The following SNAP91 variants were observed in gnomAD, a reference collection of about 807,000 sequenced individuals.
The protein encoded by SNAP91 is clathrin coat assembly protein AP180.
In SNAP91, 27 loss-of-function variants were observed where a neutral mutation model predicts 100.3. The observed-to-expected ratio is 0.27, with a 90% CI of 0.20 to 0.37. SNAP91 has a LOEUF of 0.37. Ranked by LOEUF, SNAP91 falls within the 10% of genes least tolerant of loss-of-function variation. The pLI, the probability that SNAP91 is intolerant of heterozygous loss-of-function variation, is 1.00. For synonymous variants in SNAP91, 404 were observed against 398.6 expected, an observed-to-expected ratio of 1.01 and a Z score of -0.16; for missense variants, 986 against 1,123.7, an observed-to-expected ratio of 0.88 and a Z score of 1.75.
At chr6:83,576,002 A>C in intron 25 of SNAP91, 21 bp downstream of exon 25, 3 of 1,357,432 alleles carry the variant, frequency 2.2e-6, no homozygotes, top group Non-Finnish European at 3.0e-6. Context: ...AAAGGAAATC[A>C]CATAATTTCC....
chr6:83,628,280 C>A (rs2128454986), intron 8 of SNAP91, among the ~76,000 whole-genome samples: 1 of 139,334 alleles, frequency 7.2e-6, no homozygotes, highest in African/African-American at 2.7e-5. Flanking sequence ...GATAGGTAGG[C>A]ATTTTGGTTG....
intron 26 of SNAP91, among the ~76,000 whole-genome samples, chr6:83,564,735 CT>C (rs997424195): frequency 1.5e-4 from 23 of 151,642 alleles, no homozygotes; most frequent in Admixed American, 1.4e-3. Context: ...ATTTGGACCC[CT>C]ATCATATTAA....
At chr6:83,577,281 G>A (rs1440905761) in intron 24 of SNAP91, among the ~76,000 whole-genome samples, 1 of 151,798 alleles carries the variant, frequency 6.6e-6, no homozygotes, top group African/African-American at 2.4e-5. Flanking sequence ...CCAAATCTTG[G>A]CATTACAAAA....
At chr6:83,630,073 T>A (rs931463662) in intron 8 of SNAP91, among the ~76,000 whole-genome samples, 6 of 152,144 alleles carry the variant, frequency 3.9e-5, no homozygotes, top group African/African-American at 1.2e-4. Flanking sequence ...GATGCTGGAA[T>A]TTGTCAAATG....
At chr6:83,671,336 G>C (rs115688230) in intron 2 of SNAP91, among the ~76,000 whole-genome samples, 2,820 of 152,054 alleles carry the variant, frequency 0.019, 81 homozygotes, top group African/African-American at 0.061. Context: ...AATGATTTCT[G>C]TATCTTGATC....
chr6:83,603,078 A>G (rs2095376927), intron 14 of SNAP91, among the ~76,000 whole-genome samples: 1 of 152,184 alleles, frequency 6.6e-6, no homozygotes, highest in African/African-American at 2.4e-5. Context: ...TTTCTTGGGT[A>G]AGTGTAGTGA....
At chr6:83,678,844 G>A (rs1230616321) in intron 2 of SNAP91, 21 of 1,270,984 alleles carry the variant, frequency 1.7e-5, no homozygotes, top group Non-Finnish European at 1.9e-5. Flanking sequence ...ATCCAAGTCT[G>A]TTTTCTCTCG....
At position 83,593,184 on chromosome 6, in the gene SNAP91, G is replaced by A; in HGVS notation, c.1772C>T (p.Thr591Ile). The A allele has an allele frequency of 6.3e-7, 1 of 1,586,764 alleles. No individual in the cohort carries two copies. The highest frequency in any genetic ancestry group is 8.6e-7 in the Non-Finnish European group (1 of 1,165,704). The part of the protein sequence containing the change: ...DAAPSIDLFS[T>I]DAFSSPPQGA... ...AAAAAGGGTTGCTTTGGTTTTACCT[G>A]TACTAAACAGGTCTATGCTAGGAGC... Residue 591 changes from threonine (T) to isoleucine (I), a missense_variant and splice_region_variant, in exon 19 of 30, where the codon ACA becomes ATA. Coordinates refer to ENST00000369694, the MANE Select transcript of SNAP91 (RefSeq NM_001242792.2).
chr6:83,639,638 A>T (rs1266573444), intron 8 of SNAP91, among the ~76,000 whole-genome samples: 4 of 152,138 alleles, frequency 2.6e-5, no homozygotes, highest in Admixed American at 2.6e-4. Context: ...TTTACATGTT[A>T]AAACAGAAGG....
intron 2 of SNAP91, among the ~76,000 whole-genome samples, chr6:83,693,158 C>A (rs576385310): frequency 6.6e-6 from 1 of 152,286 alleles, no homozygotes. Flanking sequence ...ATAAGTCTTG[C>A]AGTTAGGACC....
At chr6:83,604,821 A>G (rs1021672607) in intron 14 of SNAP91, among the ~76,000 whole-genome samples, 3 of 152,138 alleles carry the variant, frequency 2.0e-5, no homozygotes, top group African/African-American at 4.8e-5. Flanking sequence ...TAAAATACCT[A>G]TAAATACTCA....
At position 83,583,885 on chromosome 6, in the gene SNAP91, T is replaced by C. The variant is rs143270758; in HGVS notation, c.2015-1529A>G. Among the ~76,000 whole-genome samples, 370 of 152,324 alleles carry C rather than the reference T, an allele frequency of 2.4e-3. 4 individuals are homozygous for C. Among genetic ancestry groups the C allele is most frequent in the African/African-American group, 8.3e-3 (345 of 41,580 alleles). On this transcript the variant is annotated intron_variant, in intron 22 of 29. Transcript: ENST00000369694. ...TTGACAGTGATGTGGGTTTAGGCTT[T>C]CCTCATATGTGTATGAAAAAATTTT...
intron 14 of SNAP91, among the ~76,000 whole-genome samples, chr6:83,603,052 G>A (rs954006589): frequency 1.3e-5 from 2 of 152,168 alleles, no homozygotes. Flanking sequence ...ATTTTAAACA[G>A]GTTAAAGATA....
chr6:83,653,822 G>C (rs2098300782), intron 7 of SNAP91, among the ~76,000 whole-genome samples: 1 of 152,134 alleles, frequency 6.6e-6, no homozygotes, highest in African/African-American at 2.4e-5. Context: ...TCTGGACTGT[G>C]AACTTCACAA....
At chr6:83,600,975 C>T (rs2095137261) in intron 16 of SNAP91, among the ~76,000 whole-genome samples, 2 of 152,098 alleles carry the variant, frequency 1.3e-5, no homozygotes, top group Admixed American at 6.6e-5. Context: ...TATACAGACA[C>T]TGGAGAGCAG....
chr6:83,680,038 T>C (rs2098965543), intron 2 of SNAP91, among the ~76,000 whole-genome samples: 1 of 152,154 alleles, frequency 6.6e-6, no homozygotes, highest in South Asian at 2.1e-4. Flanking sequence ...TTAATATCTC[T>C]TTATAGCTCT....
intron 26 of SNAP91, among the ~76,000 whole-genome samples, chr6:83,571,049 G>A (rs1294674008): frequency 6.6e-6 from 1 of 151,976 alleles, no homozygotes; most frequent in Non-Finnish European, 1.5e-5. Flanking sequence ...CACCCAGGAG[G>A]AGGGCTATAC....
intron 7 of SNAP91, among the ~76,000 whole-genome samples, chr6:83,649,405 G>C (rs930630131): frequency 6.6e-5 from 10 of 152,124 alleles, no homozygotes; most frequent in African/African-American, 2.4e-4. Flanking sequence ...TTTACTGCTG[G>C]CTTTCCCTAG....
At chr6:83,560,444 A>C (rs974721640) in intron 27 of SNAP91, among the ~76,000 whole-genome samples, 3 of 152,204 alleles carry the variant, frequency 2.0e-5, no homozygotes, top group Non-Finnish European at 4.4e-5. Context: ...CATCCCAACC[A>C]AGCTTTGTTG....
Sources: allele counts gnomAD v4.1 joint callset (sites outside exome capture counted in the v4.1 genomes callset), GRCh38; gene constraint gnomAD v4.1.1; transcripts MANE v1.5; gene names NCBI Gene and HGNC (gene_info 2026-07-23, HGNC 2026-07-21).